ADAM22: variants seen among roughly 807,000 people sequenced by gnomAD.
ADAM22 encodes the protein ADAM metallopeptidase domain 22.
A neutral mutation model predicts 144.6 loss-of-function variants in ADAM22; 65 were observed. That is an observed-to-expected ratio of 0.45 (90% CI 0.37 to 0.55). ADAM22 has a LOEUF of 0.55. ADAM22 is among the 20% of genes least tolerant of loss of function. The pLI, the probability that ADAM22 is intolerant of heterozygous loss-of-function variation, is 0.00. For synonymous variants in ADAM22, 391 were observed against 412.6 expected (o/e 0.95, Z 0.63); for missense variants, 974 against 1,184.9 (o/e 0.82, Z 2.61).
chr7:88,108,107 C>G, intron 4 of ADAM22, 69 bp from the exon 5 acceptor site: 1 of 1,295,118 alleles, frequency 7.7e-7, no homozygotes, highest in East Asian at 2.4e-5. Context: ...GAGTAGAAAC[C>G]TCCTGTGAAA....
chr7:87,943,873 C>T (rs752190251), intron 2 of ADAM22, among the ~76,000 whole-genome samples: 10 of 152,064 alleles, frequency 6.6e-5, no homozygotes, highest in Non-Finnish European at 1.0e-4. Context: ...TAATTTTGTA[C>T]TAGGGGATTT....
At chr7:88,037,151 A>T (rs1801712557) in intron 3 of ADAM22, among the ~76,000 whole-genome samples, 1 of 152,096 alleles carries the variant, frequency 6.6e-6, no homozygotes, top group Non-Finnish European at 1.5e-5. Context: ...CTCTTCTGGG[A>T]TTCTTTCTTT....
chr7:88,175,831 A>T (rs535148263), intron 26 of ADAM22, among the ~76,000 whole-genome samples: 1 of 152,334 alleles, frequency 6.6e-6, no homozygotes, highest in East Asian at 1.9e-4. Flanking sequence ...CAAATGATGA[A>T]AAGTTATTTT....
intron 3 of ADAM22, among the ~76,000 whole-genome samples, chr7:88,013,560 G>T (rs908959367): frequency 6.6e-6 from 1 of 152,130 alleles, no homozygotes; most frequent in Non-Finnish European, 1.5e-5. Flanking sequence ...GAGTAGCTAG[G>T]ATTACAGGTA....
In ADAM22 at chr7:88,198,222, TACATATC is replaced by T; in HGVS notation, c.*1733_*1739del. 1 of 152,210 alleles carries T rather than the reference TACATATC, an allele frequency of 6.6e-6. No individual in the cohort carries two copies. The highest frequency in any genetic ancestry group is 1.9e-4 in the East Asian group (1 of 5,192). 9.4% of individuals were successfully genotyped at this position (152,210 alleles called of 1,614,324 possible). On this transcript the variant is annotated 3_prime_UTR_variant, in exon 32 of 32. Coordinates refer to ENST00000413139, the MANE Select transcript of ADAM22 (RefSeq NM_001324418.2). ...CATCTTCATATGTAATCAATTTGAT[TACATATC>T]ATGCCCAAACTGAAGGGCCGAGTTA...
At chr7:88,138,918 G>A (rs1225792022) in intron 14 of ADAM22, among the ~76,000 whole-genome samples, 2 of 152,250 alleles carry the variant, frequency 1.3e-5, no homozygotes, top group African/African-American at 4.8e-5. Flanking sequence ...TCACTGCCAA[G>A]GGTTGGAGAA....
chr7:88,133,362 CTAAATAAATAAA>C (rs3085472), intron 12 of ADAM22, among the ~76,000 whole-genome samples: 357 of 142,208 alleles, frequency 2.5e-3, no homozygotes, highest in African/African-American at 5.2e-3. Flanking sequence ...GACCCTGTCT[CTAAATAAATAAA>C]TAAATAAATA....
intron 4 of ADAM22, among the ~76,000 whole-genome samples, chr7:88,091,653 C>T (rs1819878943): frequency 6.6e-6 from 1 of 152,128 alleles, no homozygotes; most frequent in Non-Finnish European, 1.5e-5. Context: ...AATGAAGGCA[C>T]AGAAAGTTTA....
chr7:88,187,977 C>T (rs1848690488), intron 30 of ADAM22, among the ~76,000 whole-genome samples: 2 of 151,958 alleles, frequency 1.3e-5, no homozygotes, highest in Non-Finnish European at 1.5e-5. Flanking sequence ...CACTGAACCT[C>T]ATACACATAC....
intron 3 of ADAM22, among the ~76,000 whole-genome samples, chr7:87,994,192 T>C (rs1688900): frequency 0.58 from 87,145 of 150,364 alleles, 26,043 homozygotes; most frequent in African/African-American, 0.72. Context: ...GACGGAGTCT[T>C]GCTCTGTCGC....
chr7:88,142,709 G>A (rs1426799121), intron 14 of ADAM22, among the ~76,000 whole-genome samples: 1 of 152,052 alleles, frequency 6.6e-6, no homozygotes, highest in South Asian at 2.1e-4. Context: ...ATGGTGGCGG[G>A]CGCCTGTAGT....
intron 4 of ADAM22, among the ~76,000 whole-genome samples, chr7:88,103,863 T>A (rs1417457068): frequency 6.6e-6 from 1 of 152,180 alleles, no homozygotes; most frequent in East Asian, 1.9e-4. Flanking sequence ...TGGTCTTTAC[T>A]GAAATAGATA....
At chr7:88,146,781 T>C (rs576590011) in intron 17 of ADAM22, among the ~76,000 whole-genome samples, 2 of 152,354 alleles carry the variant, frequency 1.3e-5, no homozygotes, top group African/African-American at 4.8e-5. Flanking sequence ...TGTACAGTTA[T>C]GCCCCAGATC....
At chr7:88,177,626 GA>G (rs1846004264) in intron 26 of ADAM22, among the ~76,000 whole-genome samples, 1 of 152,070 alleles carries the variant, frequency 6.6e-6, no homozygotes, top group South Asian at 2.1e-4. Flanking sequence ...CATACTAACT[GA>G]AAAATCTTTC....
intron 3 of ADAM22, among the ~76,000 whole-genome samples, chr7:88,073,639 A>G (rs1029061220): frequency 2.0e-5 from 3 of 152,224 alleles, no homozygotes; most frequent in Middle Eastern, 3.2e-3. Flanking sequence ...GCAAGAGGAA[A>G]GATTATTAGG....
chr7:88,081,079 C>G (rs948300942), intron 4 of ADAM22, among the ~76,000 whole-genome samples: 10 of 152,054 alleles, frequency 6.6e-5, no homozygotes, highest in Non-Finnish European at 1.5e-4. Context: ...AACATTGATG[C>G]AAAAATCCTC....
At chr7:87,953,392 G>T (rs947123747) in intron 2 of ADAM22, among the ~76,000 whole-genome samples, 12 of 152,060 alleles carry the variant, frequency 7.9e-5, no homozygotes, top group Admixed American at 2.6e-4. Flanking sequence ...CCTTCATTTC[G>T]TTATGTATCC....
intron 3 of ADAM22, among the ~76,000 whole-genome samples, chr7:87,980,276 T>G (rs138224359): frequency 1.5e-5 from 2 of 130,760 alleles, no homozygotes; most frequent in Non-Finnish European, 3.2e-5. Flanking sequence ...CTGAGAAACA[T>G]GCACTGTGCT....
At chr7:87,943,145 A>G (rs948862592) in intron 2 of ADAM22, among the ~76,000 whole-genome samples, 2 of 148,778 alleles carry the variant, frequency 1.3e-5, no homozygotes, top group African/African-American at 2.4e-5. Flanking sequence ...ATATATAAGT[A>G]TAAATATATA....
Sources: allele counts gnomAD v4.1 joint callset (sites outside exome capture counted in the v4.1 genomes callset), GRCh38; gene constraint gnomAD v4.1.1; transcripts MANE v1.5; gene names NCBI Gene and HGNC (gene_info 2026-07-23, HGNC 2026-07-21).